The following CTNNA2 variants were observed in gnomAD, a reference collection of about 807,000 sequenced individuals.
The protein encoded by CTNNA2 is catenin alpha 2.
In CTNNA2, 42 loss-of-function variants were observed where a neutral mutation model predicts 101.0. The observed-to-expected ratio is 0.42, with a 90% CI of 0.32 to 0.54. The LOEUF (loss-of-function observed/expected upper bound fraction) is 0.54. Among genes scored for constraint, CTNNA2 ranks in the 20% least tolerant of loss-of-function variants. The pLI is 0.14. For missense variants in CTNNA2, 871 were observed against 1,223.1 expected (o/e 0.71, Z 4.29); for synonymous variants, 450 against 456.4 (o/e 0.99, Z 0.18).
chr2:79,657,042 A>G (rs962829404), intron 2 of CTNNA2, among the ~76,000 whole-genome samples: 1 of 124,630 alleles, frequency 8.0e-6, no homozygotes, highest in African/African-American at 3.1e-5. Context: ...TAAACTATGA[A>G]TCTTAAGGAA....
At chr2:79,663,218 G>A (rs2861855) in intron 2 of CTNNA2, among the ~76,000 whole-genome samples, 94,051 of 151,918 alleles carry the variant, frequency 0.62, 29,259 homozygotes, top group East Asian at 0.79. Context: ...ATCATGATCA[G>A]TACAGTCACC....
At chr2:80,181,028 T>C (rs1193457316) in intron 7 of CTNNA2, among the ~76,000 whole-genome samples, 1 of 152,218 alleles carries the variant, frequency 6.6e-6, no homozygotes, top group African/African-American at 2.4e-5. Context: ...CCCATGCCTG[T>C]TTTCCAGTTT....
rs140259956 is a variant in CTNNA2 at position 79,839,583 on chromosome 2, C to T, written c.299-18430C>T. Reference sequence around the variant, plus strand: ...AAAATTCCTCTTTACCCTTAACATACGTATTTTTTCTTATTTCCTATTTCT... The same window carrying T: ...AAAATTCCTCTTTACCCTTAACATATGTATTTTTTCTTATTTCCTATTTCT... On this transcript the variant is annotated intron_variant, in intron 3 of 18. Coordinates refer to ENST00000402739, the MANE Select transcript of CTNNA2 (RefSeq NM_001282597.3). Among the ~76,000 whole-genome samples, 605 of 152,052 alleles carry T rather than the reference C, an allele frequency of 4.0e-3. 1 individual carries two copies. Among genetic ancestry groups the T allele is most frequent in the African/African-American group, 0.013 (560 of 41,546 alleles).
intron 5 of CTNNA2, among the ~76,000 whole-genome samples, chr2:79,871,541 A>G (rs1682580297): frequency 3.3e-5 from 5 of 152,108 alleles, no homozygotes; most frequent in Admixed American, 3.3e-4. Flanking sequence ...GAAGGGAGAG[A>G]GAGAATGAAT....
chr2:80,231,034 T>C (rs1035096668), intron 7 of CTNNA2, among the ~76,000 whole-genome samples: 6 of 152,002 alleles, frequency 3.9e-5, no homozygotes, highest in Admixed American at 1.3e-4. Context: ...TGCAGTGGTA[T>C]GATCTCGGCT....
At chr2:80,240,301 G>C (rs1431331254) in intron 7 of CTNNA2, among the ~76,000 whole-genome samples, 2 of 152,176 alleles carry the variant, frequency 1.3e-5, no homozygotes, top group Non-Finnish European at 2.9e-5. Flanking sequence ...GGATATCTTA[G>C]AGAATACACA....
intron 7 of CTNNA2, among the ~76,000 whole-genome samples, chr2:80,125,338 C>G (rs980203670): frequency 2.0e-5 from 3 of 152,128 alleles, no homozygotes; most frequent in African/African-American, 7.2e-5. Context: ...GGGATCTGAG[C>G]AACACTGATG....
intron 2 of CTNNA2, among the ~76,000 whole-genome samples, chr2:79,285,683 C>G (rs1274558983): frequency 1.0e-5 from 1 of 97,544 alleles, no homozygotes; most frequent in African/African-American, 5.0e-5. Flanking sequence ...AGTATGTGGT[C>G]AATTTTGGAA....
intron 4 of CTNNA2, among the ~76,000 whole-genome samples, chr2:79,442,803 G>A (rs556368760): frequency 9.9e-5 from 15 of 152,122 alleles, no homozygotes; most frequent in Non-Finnish European, 1.8e-4. Flanking sequence ...TGTATGAGGC[G>A]TATTGTGGGA....
At chr2:79,778,099 C>T (rs1009543436) in intron 3 of CTNNA2, among the ~76,000 whole-genome samples, 8 of 151,778 alleles carry the variant, frequency 5.3e-5, no homozygotes, top group Non-Finnish European at 1.2e-4. Flanking sequence ...TCCAACACTT[C>T]GGGAGGCTGA....
At chr2:79,266,603 G>A (rs970282335) in intron 2 of CTNNA2, among the ~76,000 whole-genome samples, 2 of 152,082 alleles carry the variant, frequency 1.3e-5, no homozygotes, top group African/African-American at 4.8e-5. Flanking sequence ...TTGAAATGGG[G>A]TTGCTTTCAT....
At chr2:79,201,893 A>G (rs1334643218) in intron 2 of CTNNA2, among the ~76,000 whole-genome samples, 1 of 152,138 alleles carries the variant, frequency 6.6e-6, no homozygotes, top group East Asian at 1.9e-4. Context: ...CATGTACCCA[A>G]GGTGATCAGT....
chr2:79,365,902 C>T (rs2104450854), intron 3 of CTNNA2, among the ~76,000 whole-genome samples: 1 of 152,186 alleles, frequency 6.6e-6, no homozygotes, highest in African/African-American at 2.4e-5. Flanking sequence ...TTTACCAGGT[C>T]GCTGGCAAGT....
intron 1 of CTNNA2, among the ~76,000 whole-genome samples, chr2:79,518,504 A>G (rs533293691): frequency 1.3e-5 from 2 of 152,330 alleles, no homozygotes; most frequent in Non-Finnish European, 2.9e-5. Context: ...TATCTTTTTT[A>G]TGGCCCCTTG....
chr2:79,740,703 A>C (rs7587388), intron 2 of CTNNA2, among the ~76,000 whole-genome samples: 54,485 of 152,054 alleles, frequency 0.36, 10,843 homozygotes, highest in African/African-American at 0.54. Context: ...TTTGTCGTTT[A>C]GCAGCCTCTC....
intron 3 of CTNNA2, among the ~76,000 whole-genome samples, chr2:79,317,989 T>G (rs17016803): frequency 0.11 from 16,843 of 152,090 alleles, 1,164 homozygotes; most frequent in Middle Eastern, 0.21. Flanking sequence ...ATATGATTGT[T>G]GCCCATTCAA....
chr2:80,539,483 T>A (rs1691355647), intron 9 of CTNNA2, among the ~76,000 whole-genome samples: 2 of 151,646 alleles, frequency 1.3e-5, no homozygotes, highest in East Asian at 1.9e-4. Flanking sequence ...GTAAAATAAA[T>A]CTTGCAGGAT....
chr2:80,283,266 G>A (rs974406990), intron 7 of CTNNA2, among the ~76,000 whole-genome samples: 1 of 152,078 alleles, frequency 6.6e-6, no homozygotes, highest in Non-Finnish European at 1.5e-5. Flanking sequence ...CTAAAGGTCA[G>A]GGTGCAGGGA....
chr2:80,004,948 G>A (rs552792315), intron 7 of CTNNA2, among the ~76,000 whole-genome samples: 29 of 152,158 alleles, frequency 1.9e-4, no homozygotes, highest in Admixed American at 7.2e-4. Flanking sequence ...TGCTGGCCCC[G>A]GCCTCCCAAA....
Sources: gnomAD v4.1 joint callset for allele counts (sites outside exome capture counted in the v4.1 genomes callset) on GRCh38, gnomAD v4.1.1 for gene constraint, MANE v1.5 for transcripts, NCBI Gene and HGNC (gene_info 2026-07-23, HGNC 2026-07-21) for gene names.